The following INPP4B variants were observed in gnomAD, a reference collection of about 807,000 sequenced individuals.
INPP4B encodes the protein inositol polyphosphate 4-phosphatase type II.
A neutral mutation model predicts 122.5 loss-of-function variants in INPP4B; 55 were observed. The observed-to-expected ratio is 0.45, with a 90% CI of 0.36 to 0.56. The LOEUF (loss-of-function observed/expected upper bound fraction) is 0.56. INPP4B is among the 20% of genes least tolerant of loss of function. The pLI, the probability that INPP4B is intolerant of heterozygous loss-of-function variation, is 0.00. For synonymous variants in INPP4B, 403 were observed against 388.7 expected, an observed-to-expected ratio of 1.04 and a Z score of -0.43; for missense variants, 1,000 against 1,097.7, an observed-to-expected ratio of 0.91 and a Z score of 1.26.
chr4:142,654,248 A>G (rs1753657533), intron 2 of INPP4B, among the ~76,000 whole-genome samples: 1 of 151,708 alleles, frequency 6.6e-6, no homozygotes, highest in Non-Finnish European at 1.5e-5. Flanking sequence ...GAAGGGATAG[A>G]ATTAGGAGAA....
chr4:142,138,914 C>T (rs1282654193), intron 18 of INPP4B, among the ~76,000 whole-genome samples: 2 of 152,178 alleles, frequency 1.3e-5, no homozygotes, highest in East Asian at 3.9e-4. Context: ...ATCCTCATGC[C>T]TCAAGGCCAA....
chr4:142,097,316 G>C (rs764820881), intron 23 of INPP4B, among the ~76,000 whole-genome samples: 2 of 150,812 alleles, frequency 1.3e-5, no homozygotes, highest in Admixed American at 1.3e-4. Flanking sequence ...GTGCAATGGC[G>C]TGATCTTGGC....
rs546618495 is a variant in INPP4B at position 142,411,981 on chromosome 4, T to G, written c.137-6657A>C. On this transcript the variant is annotated intron_variant, in intron 5 of 25. Coordinates refer to ENST00000262992, the MANE Select transcript of INPP4B (RefSeq NM_001101669.3). ...AGCACCATTCTTATCTCACATCATTTCCCTAAGGATGTGCAAAAGACTTTT... is the reference window on the plus strand; with the variant it reads ...AGCACCATTCTTATCTCACATCATTGCCCTAAGGATGTGCAAAAGACTTTT... Among the ~76,000 whole-genome samples, 32 of 152,278 alleles carry G rather than the reference T, an allele frequency of 2.1e-4. 1 individual carries two copies. In the South Asian group the frequency reaches 5.6e-3, roughly 27 times the overall value.
chr4:142,235,705 G>T (rs577426130), intron 12 of INPP4B, among the ~76,000 whole-genome samples: 26 of 152,282 alleles, frequency 1.7e-4, no homozygotes, highest in South Asian at 1.5e-3. Flanking sequence ...GATTACAGGC[G>T]TGAGCCACCG....
intron 2 of INPP4B, among the ~76,000 whole-genome samples, chr4:142,642,348 T>C (rs7434560): frequency 0.78 from 117,873 of 152,082 alleles, 46,403 homozygotes; most frequent in East Asian, 0.85. Flanking sequence ...TGCACATGCC[T>C]ATGTCCTGAA....
Position 142,028,081 on chromosome 4 carries a change from A to C in INPP4B, c.*701T>G. 4.4e-6 allele frequency: 1 copy of C among 225,942 alleles called. No homozygotes were observed. Among genetic ancestry groups the C allele is most frequent in the Non-Finnish European group, 8.8e-6 (1 of 113,466 alleles). The allele number at this position is 225,942 out of a possible 1,614,324, so 14.0% of individuals were successfully genotyped here. On this transcript the variant is annotated 3_prime_UTR_variant, in exon 26 of 26. Transcript: ENST00000262992. Reference sequence around the variant, plus strand: ...TGCTTATCATTCTATTAAACGTTCTATATTGCTACATTCACAGCTAGATCA... The same window carrying C: ...TGCTTATCATTCTATTAAACGTTCTCTATTGCTACATTCACAGCTAGATCA...
chr4:142,132,630 A>G (rs1801896752), intron 18 of INPP4B, among the ~76,000 whole-genome samples: 2 of 152,166 alleles, frequency 1.3e-5, no homozygotes, highest in African/African-American at 2.4e-5. Flanking sequence ...TGTCTAGCTC[A>G]GACCATCTCC....
intron 21 of INPP4B, among the ~76,000 whole-genome samples, chr4:142,115,238 C>T (rs1403470659): frequency 1.3e-5 from 2 of 152,174 alleles, no homozygotes; most frequent in African/African-American, 4.8e-5. Flanking sequence ...AAACACTCTG[C>T]AGGATATTAT....
intron 1 of INPP4B, among the ~76,000 whole-genome samples, chr4:142,764,186 A>G (rs1399929725): frequency 6.6e-6 from 1 of 152,192 alleles, no homozygotes; most frequent in African/African-American, 2.4e-5. Flanking sequence ...TATAATTTAC[A>G]TCTGAAATAC....
intron 2 of INPP4B, among the ~76,000 whole-genome samples, chr4:142,617,654 C>T (rs757283241): frequency 3.3e-5 from 5 of 152,100 alleles, no homozygotes; most frequent in Non-Finnish European, 7.4e-5. Flanking sequence ...ATCCTAGGCA[C>T]TGTCTGTCTG....
intron 18 of INPP4B, among the ~76,000 whole-genome samples, chr4:142,135,826 T>C (rs966397443): frequency 6.6e-6 from 1 of 152,186 alleles, no homozygotes; most frequent in African/African-American, 2.4e-5. Flanking sequence ...AGACAGAGTC[T>C]TGCTCTGTCG....
At chr4:142,603,232 G>C (rs528653616) in intron 2 of INPP4B, among the ~76,000 whole-genome samples, 1 of 152,158 alleles carries the variant, frequency 6.6e-6, no homozygotes, top group South Asian at 2.1e-4. Context: ...TGTCAGAGAG[G>C]GGTGTGGGGG....
chr4:142,270,520 T>G, intron 10 of INPP4B, 143 bp downstream of exon 10: 1 of 644,394 alleles, frequency 1.6e-6, no homozygotes, highest in Non-Finnish European at 2.8e-6. Context: ...AACACACATA[T>G]TGTATTCCAA....
chr4:142,695,197 A>G (rs1361194066), intron 2 of INPP4B, among the ~76,000 whole-genome samples: 1 of 152,180 alleles, frequency 6.6e-6, no homozygotes, highest in African/African-American at 2.4e-5. Flanking sequence ...CATCAAGATC[A>G]CTGACCCTAT....
chr4:142,616,063 T>C (rs1580511201), intron 2 of INPP4B, among the ~76,000 whole-genome samples: 2 of 152,248 alleles, frequency 1.3e-5, no homozygotes, highest in East Asian at 3.9e-4. Context: ...ATTTTATAAA[T>C]GATTCTATTT....
chr4:142,573,732 G>C (rs1024657759), intron 2 of INPP4B, among the ~76,000 whole-genome samples: 2 of 152,046 alleles, frequency 1.3e-5, no homozygotes, highest in African/African-American at 2.4e-5. Context: ...CATTGACCAA[G>C]TTTAGCTTAA....
chr4:142,545,732 CACATATATGTGTATATAT>C (rs1190282236), intron 2 of INPP4B, among the ~76,000 whole-genome samples: 12 of 102,822 alleles, frequency 1.2e-4, no homozygotes, highest in Non-Finnish European at 9.5e-5. Flanking sequence ...TGTGTATATA[CACATATATGTGTATATAT>C]ATACACATGT....
At chr4:142,501,585 T>C (rs899977255) in intron 2 of INPP4B, among the ~76,000 whole-genome samples, 19 of 151,812 alleles carry the variant, frequency 1.3e-4, no homozygotes, top group African/African-American at 4.6e-4. Context: ...GAAAAATAAA[T>C]ACAATGTATC....
chr4:142,145,223 A>G (rs942767855), intron 18 of INPP4B, among the ~76,000 whole-genome samples: 13 of 152,106 alleles, frequency 8.5e-5, no homozygotes, highest in African/African-American at 3.1e-4. Context: ...CTGCCTTCCT[A>G]TCTGCCTACC....
Sources: gnomAD v4.1 joint callset for allele counts (sites outside exome capture counted in the v4.1 genomes callset) on GRCh38, gnomAD v4.1.1 for gene constraint, MANE v1.5 for transcripts, NCBI Gene and HGNC (gene_info 2026-07-23, HGNC 2026-07-21) for gene names.